Variants in CNTNAP4 observed in about 807,000 individuals in gnomAD.
CNTNAP4 encodes contactin-associated protein-like 4.
Under a neutral mutation model 148.4 loss-of-function variants are expected in CNTNAP4, and 98 were observed. The ratio of observed to expected loss-of-function variants is 0.66; its 90% CI spans 0.56 to 0.78. The LOEUF (loss-of-function observed/expected upper bound fraction) is 0.78. Among genes scored for constraint, CNTNAP4 ranks in the 30% least tolerant of loss-of-function variants. The probability of loss-of-function intolerance (pLI) is 0.00; values close to 1 mark genes in which losing one functional copy is unlikely to be tolerated. For missense variants in CNTNAP4, 1,935 were observed against 1,565.6 expected (o/e 1.24, Z -3.98); for synonymous variants, 730 against 565.1 (o/e 1.29, Z -4.14).
At chr16:76,441,458 T>C (rs193219276) in intron 4 of CNTNAP4, among the ~76,000 whole-genome samples, 1 of 152,272 alleles carries the variant, frequency 6.6e-6, no homozygotes, top group East Asian at 1.9e-4. Flanking sequence ...GGAGAATTGA[T>C]ATGAGAGTAG....
At chr16:76,424,499 A>AGGTGGT (rs1324054155) in intron 3 of CNTNAP4, among the ~76,000 whole-genome samples, 5 of 152,140 alleles carry the variant, frequency 3.3e-5, no homozygotes, top group Admixed American at 3.3e-4. Context: ...CACGCCTGTA[A>AGGTGGT]TCCTAACACC....
chr16:76,538,222 T>A lies in CNTNAP4; in HGVS notation c.3102T>A (p.Asp1034Glu). The A allele has an allele frequency of 6.2e-7, 1 of 1,609,834 alleles. No individual in the cohort carries two copies. The highest frequency in any genetic ancestry group is 8.5e-7 in the Non-Finnish European group (1 of 1,177,978). Residue 1034 changes from aspartate to glutamate, a missense_variant, in exon 19 of 24, where the codon GAT becomes GAA. Physicochemically the swap from Asp to Glu is conservative, Grantham distance 45. Coordinates refer to ENST00000611870, the MANE Select transcript of CNTNAP4 (RefSeq NM_033401.5). ...SSSHAASFHG[D>E]MKLSREMIKF... ...CCCACGCTGCTTCATTTCATGGTGA[T>A]ATGAAGCTGAGCAGAGAAATGATCA...
intron 17 of CNTNAP4, among the ~76,000 whole-genome samples, chr16:76,534,952 T>G (rs4533312): frequency 0.07 from 10,636 of 152,256 alleles, 661 homozygotes; most frequent in East Asian, 0.27. Flanking sequence ...TTAAGAATCT[T>G]TCCAAGCATA....
chr16:76,511,090 C>T (rs1303592512), intron 15 of CNTNAP4, among the ~76,000 whole-genome samples: 1 of 152,108 alleles, frequency 6.6e-6, no homozygotes, highest in Admixed American at 6.5e-5. Flanking sequence ...AAAATTTTTG[C>T]AAATGTGGTC....
intron 17 of CNTNAP4, among the ~76,000 whole-genome samples, chr16:76,531,425 C>A (rs911805399): frequency 3.9e-5 from 6 of 152,122 alleles, no homozygotes; most frequent in Non-Finnish European, 2.9e-5. Context: ...GCCCTCAATA[C>A]CATTGCATAA....
intron 17 of CNTNAP4, among the ~76,000 whole-genome samples, chr16:76,526,825 C>G (rs989356487): frequency 6.6e-6 from 1 of 152,016 alleles, no homozygotes; most frequent in African/African-American, 2.4e-5. Context: ...AGGTACATGC[C>G]ACCACGCTTG....
intron 4 of CNTNAP4, among the ~76,000 whole-genome samples, chr16:76,435,040 G>A (rs1475238888): frequency 6.6e-6 from 1 of 152,094 alleles, no homozygotes; most frequent in East Asian, 1.9e-4. Context: ...AGTTACCCTG[G>A]TAAAAGGCTG....
In CNTNAP4 at chr16:76,417,165, A is replaced by G. The variant is rs577298579; in HGVS notation, c.391-10287A>G. Among the ~76,000 whole-genome samples the G allele has an allele frequency of 2.6e-5, 4 of 151,548 alleles. No homozygotes were observed. The East Asian group carries it at 5.8e-4, about 22-fold the overall frequency. On this transcript the variant is annotated intron_variant, in intron 3 of 23. Coordinates refer to ENST00000611870, the MANE Select transcript of CNTNAP4 (RefSeq NM_033401.5). ...CCTACTCTTTCTATATACTCTGACA[A>G]TCTCTTTAATTGGTATATTTAGATT...
intron 23 of CNTNAP4, among the ~76,000 whole-genome samples, chr16:76,555,009 T>A (rs1001638023): frequency 6.6e-6 from 1 of 151,750 alleles, no homozygotes; most frequent in Non-Finnish European, 1.5e-5. Context: ...ACAAAAACTT[T>A]AAAATTGTAT....
At chr16:76,526,000 C>CAT (rs931275946) in intron 17 of CNTNAP4, among the ~76,000 whole-genome samples, 4 of 151,272 alleles carry the variant, frequency 2.6e-5, no homozygotes, top group African/African-American at 7.3e-5. Context: ...TGTGTGTGCT[C>CAT]ATATATATAT....
chr16:76,472,732 T>C (rs2081418931), intron 10 of CNTNAP4, among the ~76,000 whole-genome samples: 1 of 152,178 alleles, frequency 6.6e-6, no homozygotes, highest in African/African-American at 2.4e-5. Context: ...TGTTCTTACT[T>C]ATAAGTGGGA....
intron 3 of CNTNAP4, among the ~76,000 whole-genome samples, chr16:76,406,695 A>G (rs1312139690): frequency 6.6e-6 from 1 of 152,198 alleles, no homozygotes; most frequent in East Asian, 1.9e-4. Context: ...TGGATAGAAG[A>G]TCAAATCAGC....
intron 17 of CNTNAP4, among the ~76,000 whole-genome samples, chr16:76,528,291 C>G (rs781334208): frequency 1.3e-5 from 2 of 152,070 alleles, no homozygotes; most frequent in Non-Finnish European, 2.9e-5. Context: ...ATGGATCTCT[C>G]TCTCTGTCAC....
intron 2 of CNTNAP4, among the ~76,000 whole-genome samples, chr16:76,341,182 T>C (rs1964441478): frequency 6.6e-6 from 1 of 152,166 alleles, no homozygotes; most frequent in Non-Finnish European, 1.5e-5. Context: ...CCCTGACATC[T>C]TCCTCAACTT....
chr16:76,540,847 G>T, intron 21 of CNTNAP4, 57 bp downstream of exon 21: 2 of 1,234,462 alleles, frequency 1.6e-6, no homozygotes, highest in Non-Finnish European at 2.3e-6. Context: ...CATAAGCATG[G>T]ATCAGAAAAG....
At chr16:76,493,169 G>C (rs533391895) in intron 13 of CNTNAP4, among the ~76,000 whole-genome samples, 2 of 152,238 alleles carry the variant, frequency 1.3e-5, no homozygotes, top group South Asian at 4.1e-4. Flanking sequence ...GTCACAATAA[G>C]AAATATAATG....
intron 17 of CNTNAP4, among the ~76,000 whole-genome samples, chr16:76,526,161 T>G (rs919433410): frequency 2.0e-5 from 3 of 152,042 alleles, no homozygotes; most frequent in African/African-American, 7.2e-5. Flanking sequence ...TCCTCCTAAT[T>G]TGAGCAGAGG....
In CNTNAP4 at chr16:76,452,540, A is replaced by G. The variant is rs977707362; in HGVS notation, c.1104A>G (p.Gln368=). ...GNVSFSCSQP[Q]SMPVTFLSSR... ...TGTCATTTTCTTGTTCACAACCACA[A>G]TCTATGCCCGTGACTTTTCTGAGCT... The change falls in exon 8 of 24, where the codon CAA becomes CAG. Residue 368 remains glutamine, a synonymous_variant. Transcript: ENST00000611870. 5.6e-6 allele frequency: 9 copies of G among 1,613,872 alleles called. No homozygotes were observed. The highest frequency in any genetic ancestry group is 5.3e-5 in the African/African-American group (4 of 74,912).
chr16:76,323,444 A>G (rs1040675350), intron 2 of CNTNAP4, among the ~76,000 whole-genome samples: 2 of 152,160 alleles, frequency 1.3e-5, no homozygotes, highest in Non-Finnish European at 2.9e-5. Flanking sequence ...AATAAATTAT[A>G]TTTTGTATAC....
Sources: gnomAD v4.1 joint callset for allele counts (sites outside exome capture counted in the v4.1 genomes callset) on GRCh38, gnomAD v4.1.1 for gene constraint, MANE v1.5 for transcripts, NCBI Gene and HGNC (gene_info 2026-07-23, HGNC 2026-07-21) for gene names.